The following BCAS3 variants were observed in gnomAD, a reference collection of about 807,000 sequenced individuals.
The protein encoded by BCAS3 is BCAS3 microtubule associated cell migration factor.
A neutral mutation model predicts 116.1 loss-of-function variants in BCAS3; 53 were observed. The observed-to-expected ratio is 0.46, with a 90% confidence interval of 0.37 to 0.57. BCAS3 has a LOEUF of 0.57. Ranked by LOEUF, BCAS3 falls within the 20% of genes least tolerant of loss-of-function variation. The pLI, the probability that BCAS3 is intolerant of heterozygous loss-of-function variation, is 0.00. For synonymous variants in BCAS3, 391 were observed against 408.2 expected (o/e 0.96, Z 0.51); for missense variants, 917 against 1,165.4 (o/e 0.79, Z 3.10).
rs779826122 is a variant in BCAS3, at chr17:60,990,650, CT to C, written c.1486+429del. On this transcript the variant is annotated intron_variant, in intron 15 of 23. Transcript: ENST00000407086. The surrounding 1 kb of genome is among the most constrained non-coding windows in gnomAD (Gnocchi z 5.1). ...TGTATTTTAGATAGAGCAGCATTTG[CT>C]TTTTTTTTTTTTTGAGACGGAGTCT... 1.9e-3 allele frequency among the ~76,000 whole-genome samples: 268 copies of C among 140,746 alleles called. No homozygotes were observed. The highest frequency in any genetic ancestry group is 3.5e-3 in the Middle Eastern group (1 of 282). The allele number at this position is 140,746 out of a possible 152,430, so 92.3% of individuals were successfully genotyped here.
chr17:61,303,912 G>C (rs571071980), intron 22 of BCAS3, among the ~76,000 whole-genome samples: 14 of 152,162 alleles, frequency 9.2e-5, no homozygotes, highest in Non-Finnish European at 1.9e-4. Flanking sequence ...GATAGATGAA[G>C]AGTAGGCATA....
At position 61,213,294 on chromosome 17, in the gene BCAS3, C is replaced by G. The variant is rs1361656459; in HGVS notation, c.2425+128730C>G. ...AAGCGATCCTCCTGCCTCAGCTTCTCGAGTAGCTGGGATTACAGGCTCCTG... is the reference window on the plus strand; with the variant it reads ...AAGCGATCCTCCTGCCTCAGCTTCTGGAGTAGCTGGGATTACAGGCTCCTG... On this transcript the variant is annotated intron_variant, in intron 22 of 23. Transcript: ENST00000407086. The surrounding 1 kb of genome is among the most constrained non-coding windows in gnomAD (Gnocchi z 5.4). Among the ~76,000 whole-genome samples the G allele has an allele frequency of 6.6e-6, 1 of 151,974 alleles. No homozygotes were observed. The highest frequency in any genetic ancestry group is 1.5e-5 in the Non-Finnish European group (1 of 67,994).
intron 10 of BCAS3, among the ~76,000 whole-genome samples, chr17:60,893,101 A>G (rs926612497): frequency 2.7e-5 from 4 of 149,644 alleles, no homozygotes; most frequent in Non-Finnish European, 4.5e-5. Flanking sequence ...TTTTTATTGG[A>G]GTTTGTTTTT....
chr17:61,119,373 T>A (rs1601397942), intron 22 of BCAS3, among the ~76,000 whole-genome samples: 1 of 152,150 alleles, frequency 6.6e-6, no homozygotes, highest in South Asian at 2.1e-4. Context: ...ATGTGATTTA[T>A]CCCATATTAT....
chr17:61,120,267 T>C (rs751049617), intron 22 of BCAS3, among the ~76,000 whole-genome samples: 9 of 152,098 alleles, frequency 5.9e-5, no homozygotes, highest in African/African-American at 9.7e-5. Context: ...AGTACAGTGA[T>C]TATATAAACA....
chr17:61,168,849 C>T (rs1483971550), intron 22 of BCAS3, among the ~76,000 whole-genome samples: 4 of 152,096 alleles, frequency 2.6e-5, no homozygotes, highest in Non-Finnish European at 5.9e-5. Context: ...TCAAATGTGT[C>T]CTAGAGTAAC....
chr17:60,765,018 CT>C (rs1292877244), intron 6 of BCAS3, among the ~76,000 whole-genome samples: 1 of 151,836 alleles, frequency 6.6e-6, no homozygotes, highest in African/African-American at 2.4e-5. Flanking sequence ...GCAACCCCTG[CT>C]TTTTTTTGCT....
Position 61,388,611 on chromosome 17 carries a change from T to C in BCAS3, c.2594-3366T>C, listed in dbSNP as rs563803847. ...AAAAGATTCCTCAATGCTTTTCTTT[T>C]CAAAAGGGAAAAAAAAAGGAAAAAA... On this transcript the variant is annotated intron_variant, in intron 23 of 23. Transcript: ENST00000407086. This position sits in a 1 kb window ranked among gnomAD's most constrained non-coding sequence, Gnocchi z 6.5. 6 of 1,531,326 alleles carry C rather than the reference T, an allele frequency of 3.9e-6. No homozygotes were observed. In the East Asian group the frequency reaches 7.4e-5, roughly 19 times the overall value. 94.9% of individuals were successfully genotyped at this position (1,531,326 alleles called of 1,614,324 possible). A position where few individuals can be genotyped will look rare whatever the true frequency, so the allele number is the denominator to read the frequency against.
chr17:60,955,386 A>ATTTTTTTTTTTTTTTTTTGTTTTTTTTT (rs2061070579), intron 14 of BCAS3, among the ~76,000 whole-genome samples: 1 of 128,086 alleles, frequency 7.8e-6, no homozygotes, highest in African/African-American at 3.5e-5. Flanking sequence ...GGGAAACTGA[A>ATTTTTTTTTTTTTTTTTTGTTTTTTTTT]TTTTTTTTTT....
rs545123536 is a variant in BCAS3 at position 60,850,349 on chromosome 17, T to G, written c.477-18227T>G. ...CCCCTAACTCCTGGCACCACTGTTTTTTTTTTTTTTTTTTTTTTTTTTTTT... is the reference window on the plus strand; with the variant it reads ...CCCCTAACTCCTGGCACCACTGTTTGTTTTTTTTTTTTTTTTTTTTTTTTT... On this transcript the variant is annotated intron_variant, in intron 7 of 23. Transcript: ENST00000407086. Among the ~76,000 whole-genome samples the G allele has an allele frequency of 1.0e-4, 13 of 128,958 alleles. No homozygotes were observed. In the South Asian group the frequency reaches 3.1e-3, roughly 30 times the overall value. 84.6% of individuals were successfully genotyped at this position (128,958 alleles called of 152,430 possible).
chr17:61,118,282 G>T lies in BCAS3; in HGVS notation c.2425+33718G>T, dbSNP rs1009941132. Among the ~76,000 whole-genome samples the T allele has an allele frequency of 5.1e-4, 77 of 152,094 alleles. 3 individuals are homozygous for T. The highest frequency in any genetic ancestry group is 2.5e-4 in the Non-Finnish European group (17 of 68,018). ...ACTACTTGGGAGAGATGGAAGTCCC[G>T]GCTCCCAACGTAGTCTCCAATGACA... On this transcript the variant is annotated intron_variant, in intron 22 of 23. Coordinates refer to ENST00000407086, the MANE Select transcript of BCAS3 (RefSeq NM_017679.5). This position sits in a 1 kb window ranked among gnomAD's most constrained non-coding sequence, Gnocchi z 5.0.
intron 6 of BCAS3, among the ~76,000 whole-genome samples, chr17:60,803,331 C>CT (rs1450692109): frequency 6.6e-6 from 1 of 152,106 alleles, no homozygotes; most frequent in African/African-American, 2.4e-5. Context: ...ATCTAGTCTT[C>CT]TTTATTTTAG....
intron 4 of BCAS3, among the ~76,000 whole-genome samples, chr17:60,701,055 C>T (rs1018531289): frequency 2.0e-5 from 3 of 151,754 alleles, no homozygotes; most frequent in Non-Finnish European, 4.4e-5. Flanking sequence ...ACCAGCCTGG[C>T]TAACATGGCA....
intron 5 of BCAS3, among the ~76,000 whole-genome samples, chr17:60,736,547 G>A (rs2040987932): frequency 6.6e-6 from 1 of 152,018 alleles, no homozygotes; most frequent in African/African-American, 2.4e-5. Context: ...GATTTAGGAA[G>A]CATTCTATAT....
At position 61,156,068 on chromosome 17, in the gene BCAS3, G is replaced by T. The variant is rs2144031381; in HGVS notation, c.2425+71504G>T. 6.6e-6 allele frequency among the ~76,000 whole-genome samples: 1 copy of T among 151,738 alleles called. No individual in the cohort carries two copies. Among genetic ancestry groups the T allele is most frequent in the East Asian group, 1.9e-4 (1 of 5,180 alleles). Reference sequence around the variant, plus strand: ...CAACAAGCTCACCAGGCATTCAAAGGAAGAAAAGCATTTGCTGAGATTCAC... The same window carrying T: ...CAACAAGCTCACCAGGCATTCAAAGTAAGAAAAGCATTTGCTGAGATTCAC... On this transcript the variant is annotated intron_variant, in intron 22 of 23. Coordinates refer to ENST00000407086, the MANE Select transcript of BCAS3 (RefSeq NM_017679.5). This position sits in a 1 kb window ranked among gnomAD's most constrained non-coding sequence, Gnocchi z 4.7.
chr17:60,922,113 T>C (rs1350588730), intron 12 of BCAS3, among the ~76,000 whole-genome samples: 2 of 152,002 alleles, frequency 1.3e-5, no homozygotes, highest in African/African-American at 4.8e-5. Flanking sequence ...TCTGACAAAA[T>C]TGAAAGAAGA....
rs977434806 is a variant in BCAS3 at position 61,236,888 on chromosome 17, T to C, written c.2426-131439T>C. Among the ~76,000 whole-genome samples the C allele has an allele frequency of 5.9e-5, 9 of 151,734 alleles. No homozygotes were observed. The South Asian group carries it at 1.0e-3, about 18-fold the overall frequency. On this transcript the variant is annotated intron_variant, in intron 22 of 23. Coordinates refer to ENST00000407086, the MANE Select transcript of BCAS3 (RefSeq NM_017679.5). Reference sequence around the variant, plus strand: ...CAGCAGGAACAACACAAAGGAAAAATTGGAGGCAGGAAAGTTGGATCCTGG... The same window carrying C: ...CAGCAGGAACAACACAAAGGAAAAACTGGAGGCAGGAAAGTTGGATCCTGG...
intron 3 of BCAS3, among the ~76,000 whole-genome samples, chr17:60,684,379 C>G (rs999556619): frequency 6.6e-6 from 1 of 152,110 alleles, no homozygotes; most frequent in African/African-American, 2.4e-5. Flanking sequence ...ACACTCTGCA[C>G]TCCTTAACTA....
chr17:61,049,730 C>CTT (rs1027378849), intron 19 of BCAS3, among the ~76,000 whole-genome samples: 41 of 120,808 alleles, frequency 3.4e-4, no homozygotes, highest in East Asian at 4.5e-4. Context: ...CTTTTCTTTT[C>CTT]TTTTTTTTTT....
Sources: gnomAD v4.1 joint callset for allele counts (sites outside exome capture counted in the v4.1 genomes callset) on GRCh38, gnomAD v4.1.1 for gene constraint, Gnocchi (gnomAD v3.1) non-coding constraint, MANE v1.5 for transcripts, NCBI Gene and HGNC (gene_info 2026-07-23, HGNC 2026-07-21) for gene names.